Variants in AGBL1 observed in about 807,000 individuals in gnomAD.
AGBL1 encodes the protein cytosolic carboxypeptidase 4.
AGBL1 carries 130 observed loss-of-function variants against 118.9 expected under a neutral mutation model. That is an observed-to-expected ratio of 1.09 (90% CI 0.95 to 1.26). AGBL1 has a LOEUF of 1.26. AGBL1 is among the 50% of genes most tolerant of loss of function. The probability of loss-of-function intolerance (pLI) is 0.00; values close to 1 mark genes in which losing one functional copy is unlikely to be tolerated. For missense variants in AGBL1, 1,584 were observed against 1,298.1 expected, an observed-to-expected ratio of 1.22 and a Z score of -3.38; for synonymous variants, 555 against 478.9, an observed-to-expected ratio of 1.16 and a Z score of -2.08.
chr15:86,443,864 G>T (rs2082091870), intron 18 of AGBL1, among the ~76,000 whole-genome samples: 1 of 79,710 alleles, frequency 1.3e-5, no homozygotes. Flanking sequence ...ATAGACACTT[G>T]GGTTGACTCC....
At chr15:86,476,832 T>C (rs887077039) in intron 18 of AGBL1, among the ~76,000 whole-genome samples, 74 of 152,326 alleles carry the variant, frequency 4.9e-4, no homozygotes, top group African/African-American at 1.7e-3. Context: ...TAGTTGGAAG[T>C]AAAGCACTCC....
intron 18 of AGBL1, among the ~76,000 whole-genome samples, chr15:86,414,459 T>A (rs550025006): frequency 0.016 from 2,495 of 152,234 alleles, 28 homozygotes; most frequent in Middle Eastern, 0.065. Flanking sequence ...AGAATACCCC[T>A]GGAAGAAGAG....
chr15:86,323,598 G>T (rs1440913032), intron 17 of AGBL1, among the ~76,000 whole-genome samples: 1 of 152,154 alleles, frequency 6.6e-6, no homozygotes, highest in African/African-American at 2.4e-5. Flanking sequence ...TTAAATAACT[G>T]CCAGTGCAAA....
At chr15:86,791,477 A>G (rs1282602924) in intron 22 of AGBL1, among the ~76,000 whole-genome samples, 1 of 152,090 alleles carries the variant, frequency 6.6e-6, no homozygotes, top group Non-Finnish European at 1.5e-5. Context: ...TAGGCAGGAA[A>G]GCTGGCCACA....
At chr15:86,215,241 G>GTGTGTGTGTA in intron 5 of AGBL1, among the ~76,000 whole-genome samples, 1 of 150,696 alleles carries the variant, frequency 6.6e-6, no homozygotes, top group Non-Finnish European at 1.5e-5. Context: ...GTGTGTGTGT[G>GTGTGTGTGTA]TGTGTGTGTG....
intron 21 of AGBL1, among the ~76,000 whole-genome samples, chr15:86,639,861 G>T (rs1454176402): frequency 6.6e-6 from 1 of 152,108 alleles, no homozygotes; most frequent in Non-Finnish European, 1.5e-5. Context: ...CGTTTTCTGG[G>T]TGCAGGTTTT....
intron 23 of AGBL1, among the ~76,000 whole-genome samples, chr15:86,940,410 TC>T (rs2080735703): frequency 6.6e-6 from 1 of 152,158 alleles, no homozygotes; most frequent in Non-Finnish European, 1.5e-5. Context: ...AGAAACGTAA[TC>T]TCTCTGAGTG....
chr15:86,196,909 A>G (rs1199847586), intron 5 of AGBL1, among the ~76,000 whole-genome samples: 4 of 151,718 alleles, frequency 2.6e-5, no homozygotes, highest in African/African-American at 4.8e-5. Context: ...ACACACACAC[A>G]CACACACACA....
intron 19 of AGBL1, among the ~76,000 whole-genome samples, chr15:86,537,960 T>G (rs1030313992): frequency 1.3e-5 from 2 of 152,186 alleles, no homozygotes; most frequent in African/African-American, 4.8e-5. Context: ...CATATTAGAT[T>G]GTATGTTTTT....
intron 21 of AGBL1, among the ~76,000 whole-genome samples, chr15:86,558,076 A>G (rs145524397): frequency 2.6e-5 from 4 of 152,244 alleles, no homozygotes; most frequent in South Asian, 2.1e-4. Context: ...AATCCACCCA[A>G]TGGATTATTT....
intron 18 of AGBL1, among the ~76,000 whole-genome samples, chr15:86,516,166 G>T (rs2083118298): frequency 1.3e-5 from 2 of 152,182 alleles, no homozygotes; most frequent in African/African-American, 2.4e-5. Context: ...GGCAGAGAAA[G>T]CCATTATATA....
intron 1 of AGBL1, among the ~76,000 whole-genome samples, chr15:86,126,161 C>T (rs925332393): frequency 6.6e-6 from 1 of 152,054 alleles, no homozygotes; most frequent in Non-Finnish European, 1.5e-5. Flanking sequence ...TTTATTTACC[C>T]TCTTAACTAA....
chr15:86,520,431 T>C (rs745414077), intron 18 of AGBL1, among the ~76,000 whole-genome samples: 45 of 152,172 alleles, frequency 3.0e-4, no homozygotes, highest in Non-Finnish European at 4.3e-4. Flanking sequence ...GAGTTGGAAC[T>C]AGGTCTTATT....
intron 22 of AGBL1, among the ~76,000 whole-genome samples, chr15:86,855,641 T>C (rs973215690): frequency 1.4e-4 from 21 of 152,316 alleles, no homozygotes; most frequent in African/African-American, 4.8e-4. Context: ...TGCACATCAA[T>C]TACAATTAGT....
intron 22 of AGBL1, among the ~76,000 whole-genome samples, chr15:86,890,881 T>C (rs933850638): frequency 3.3e-5 from 5 of 152,210 alleles, no homozygotes; most frequent in Non-Finnish European, 5.9e-5. Flanking sequence ...GGCTCTTTTT[T>C]AGTTTCATAT....
intron 17 of AGBL1, among the ~76,000 whole-genome samples, chr15:86,358,917 A>G (rs1018654364): frequency 2.0e-5 from 3 of 151,592 alleles, no homozygotes; most frequent in African/African-American, 7.3e-5. Context: ...TATATTTTGA[A>G]TATTAACCAT....
At chr15:86,988,576 C>T (rs1203292130) in intron 24 of AGBL1, 1 of 151,570 alleles carries the variant, frequency 6.6e-6, no homozygotes, top group African/African-American at 2.4e-5. Context: ...TTAATTTTAC[C>T]TTTCTTAATG....
At chr15:86,525,529 A>T (rs2083251444) in intron 19 of AGBL1, among the ~76,000 whole-genome samples, 1 of 152,212 alleles carries the variant, frequency 6.6e-6, no homozygotes, top group Non-Finnish European at 1.5e-5. Context: ...CTGGTATAAA[A>T]GTAGGCACAT....
intron 22 of AGBL1, among the ~76,000 whole-genome samples, chr15:86,805,714 G>GT (rs1416554840): frequency 1.3e-5 from 2 of 152,108 alleles, no homozygotes; most frequent in African/African-American, 4.8e-5. Context: ...TGTGTAAAAA[G>GT]TATTTTTTTC....
Sources: gnomAD v4.1 joint callset for allele counts (sites outside exome capture counted in the v4.1 genomes callset) on GRCh38, gnomAD v4.1.1 for gene constraint, MANE v1.5 for transcripts, NCBI Gene and HGNC (gene_info 2026-07-23, HGNC 2026-07-21) for gene names.